Variants in RET observed in about 807,000 individuals in gnomAD.
RET encodes the protein proto-oncogene tyrosine-protein kinase receptor Ret.
RET carries 19 observed loss-of-function variants against 118.3 expected under a neutral mutation model. The ratio of observed to expected loss-of-function variants is 0.16; its 90% CI spans 0.11 to 0.24. RET has a LOEUF of 0.24. Ranked by LOEUF, RET falls within the 10% of genes least tolerant of loss-of-function variation. The pLI is 1.00. For synonymous variants in RET, 597 were observed against 644.1 expected, an observed-to-expected ratio of 0.93 and a Z score of 1.11; for missense variants, 1,219 against 1,502.1, an observed-to-expected ratio of 0.81 and a Z score of 3.12.
chr10:43,126,517 T>TG, intron 18 of RET, 58 bp from the exon 19 acceptor site: 1 of 1,459,126 alleles, frequency 6.9e-7, no homozygotes, highest in South Asian at 1.1e-5. Flanking sequence ...TGTTGTATAC[T>TG]GAGTTGTATC....
At chr10:43,117,842 G>A (rs758963757) in intron 12 of RET, among the ~76,000 whole-genome samples, 6 of 152,180 alleles carry the variant, frequency 3.9e-5, no homozygotes, top group Non-Finnish European at 5.9e-5. Context: ...GGTAACTAAC[G>A]GAGTGTGAGC....
chr10:43,083,316 C>A (rs1017149437), intron 1 of RET, among the ~76,000 whole-genome samples: 1 of 152,212 alleles, frequency 6.6e-6, no homozygotes, highest in Non-Finnish European at 1.5e-5. Flanking sequence ...CCCCTAGCCT[C>A]CCCACCACCT....
chr10:43,101,860 A>T (rs1837648347), intron 2 of RET, among the ~76,000 whole-genome samples: 3 of 152,240 alleles, frequency 2.0e-5, no homozygotes, highest in Admixed American at 2.0e-4. Context: ...GCAGCCGCCC[A>T]CCTAGGGCTG....
chr10:43,106,601 A>T lies in RET; in HGVS notation c.1063+30A>T. 6.2e-7 allele frequency: 1 copy of T among 1,606,742 alleles called. No individual in the cohort carries two copies. On this transcript the variant is annotated intron_variant, in intron 5 of 19. Transcript: ENST00000355710. This position sits in a 1 kb window ranked among gnomAD's most constrained non-coding sequence, Gnocchi z 5.1. Reference sequence around the variant, plus strand: ...GAGGGGCTGGTGGCACGGCCTGGCTAGGCCCCCAGGAAATGAGGTGCTCGC... The same window carrying T: ...GAGGGGCTGGTGGCACGGCCTGGCTTGGCCCCCAGGAAATGAGGTGCTCGC...
chr10:43,121,668 T>C (rs1838220564), intron 15 of RET, among the ~76,000 whole-genome samples: 1 of 152,204 alleles, frequency 6.6e-6, no homozygotes, highest in African/African-American at 2.4e-5. Context: ...AGGGAAGCAC[T>C]GCTCTGCACT....
rs3123652 is a variant in RET at position 43,109,762 on chromosome 10, T to C, written c.1263+532T>C. On this transcript the variant is annotated intron_variant, in intron 6 of 19. Transcript: ENST00000355710. ...TATATTTGTCTTTGGAAAATAATGA[T>C]TAGAAATAGAAGGCATAAAAGTAAT... Among the ~76,000 whole-genome samples, 596 of 151,904 alleles carry C rather than the reference T, an allele frequency of 3.9e-3. 4 individuals are homozygous for C. The highest frequency in any genetic ancestry group is 3.9e-3 in the Non-Finnish European group (262 of 67,938).
chr10:43,094,590 C>G (rs1268067414), intron 1 of RET, among the ~76,000 whole-genome samples: 1 of 152,140 alleles, frequency 6.6e-6, no homozygotes, highest in African/African-American at 2.4e-5. Flanking sequence ...TCACAGTGCC[C>G]CATCAGAGCT....
At chr10:43,127,359 G>A in intron 19 of RET, 3 of 1,065,380 alleles carry the variant, frequency 2.8e-6, no homozygotes, top group Non-Finnish European at 3.4e-6. Context: ...CCTTCAGGAC[G>A]GTTGTCACTT....
chr10:43,086,823 GA>G (rs1260061295), intron 1 of RET, among the ~76,000 whole-genome samples: 5 of 152,260 alleles, frequency 3.3e-5, no homozygotes. Context: ...TCTGGGTATG[GA>G]AGTGTGGGTG....
At chr10:43,126,294 G>A (rs1156735588) in intron 18 of RET, among the ~76,000 whole-genome samples, 1 of 152,190 alleles carries the variant, frequency 6.6e-6, no homozygotes, top group Non-Finnish European at 1.5e-5. Context: ...GAGATAAGAC[G>A]CTGAGGGAGC....
In RET at chr10:43,128,446, G is replaced by A. The variant is rs1838382196; in HGVS notation, c.*177G>A. Reference sequence around the variant, plus strand: ...CAAGGTGGTTTTACTTCTGATAGCCGGTGATTTTCCCTCCTAGCAGACATG... The same window carrying A: ...CAAGGTGGTTTTACTTCTGATAGCCAGTGATTTTCCCTCCTAGCAGACATG... On this transcript the variant is annotated 3_prime_UTR_variant, in exon 20 of 20. Coordinates refer to ENST00000355710, the MANE Select transcript of RET (RefSeq NM_020975.6). 8 of 711,358 alleles carry A rather than the reference G, an allele frequency of 1.1e-5. 1 individual carries two copies. The highest frequency in any genetic ancestry group is 2.1e-5 in the Admixed American group (1 of 47,682). 44.1% of individuals were successfully genotyped at this position (711,358 alleles called of 1,614,324 possible).
At position 43,114,658 on chromosome 10, in the gene RET, C is replaced by T. The variant is rs757141171; in HGVS notation, c.2058C>T (p.Ser686=). The change falls in exon 11 of 20, where the codon AGC becomes AGT. Residue 686 remains serine (S), a synonymous_variant. Coordinates refer to ENST00000355710, the MANE Select transcript of RET (RefSeq NM_020975.6). This position sits in a 1 kb window ranked among gnomAD's most constrained non-coding sequence, Gnocchi z 4.6. ...FRRPAQAFPV[S]YSSSGARRPS... ...GGCCCGCCCAGGCCTTCCCGGTCAG[C>T]TACTCCTCTTCCGGTGCCCGCCGGC... 1.2e-6 allele frequency: 2 copies of T among 1,613,052 alleles called. No individual in the cohort carries two copies. Among genetic ancestry groups the T allele is most frequent in the Non-Finnish European group, 1.7e-6 (2 of 1,179,998 alleles).
chr10:43,111,637 A>T (rs2132783100), intron 7 of RET, among the ~76,000 whole-genome samples, 172 bp downstream of exon 7: 1 of 152,244 alleles, frequency 6.6e-6, no homozygotes, highest in East Asian at 1.9e-4. Flanking sequence ...CCTTCCAGAT[A>T]ACATACAGGA....
chr10:43,091,339 G>A (rs548374210), intron 1 of RET, among the ~76,000 whole-genome samples: 1 of 152,240 alleles, frequency 6.6e-6, no homozygotes, highest in South Asian at 2.1e-4. Flanking sequence ...TCCAAAATGA[G>A]CACAGGGGGC....
Position 43,126,558 on chromosome 10 carries a change from C to T in RET, c.3040-17C>T, listed in dbSNP as rs1191850114. ...GTGGCACATGGCTTGGAGTGACCGG[C>T]CATCTCTGTCTTCCAGGACTACTTG... On this transcript the variant is annotated splice_polypyrimidine_tract_variant and intron_variant, in intron 18 of 19. Transcript: ENST00000355710. The T allele has an allele frequency of 8.1e-6, 13 of 1,609,934 alleles. No homozygotes were observed. Among genetic ancestry groups the T allele is most frequent in the Non-Finnish European group, 1.1e-5 (13 of 1,177,166 alleles).
At chr10:43,103,917 C>T (rs896027950) in intron 3 of RET, among the ~76,000 whole-genome samples, 15 of 152,194 alleles carry the variant, frequency 9.9e-5, no homozygotes, top group Admixed American at 9.2e-4. Context: ...GGGTCTTCAG[C>T]GGTGACCTTC....
intron 5 of RET, among the ~76,000 whole-genome samples, chr10:43,107,160 C>A (rs998764236): frequency 6.6e-6 from 1 of 152,220 alleles, no homozygotes; most frequent in Non-Finnish European, 1.5e-5. Context: ...AATAAACCAC[C>A]TGCATTTGGG....
At chr10:43,127,312 A>C (rs938256879) in intron 19 of RET, 4 of 1,069,878 alleles carry the variant, frequency 3.7e-6, no homozygotes, top group Admixed American at 1.0e-4. Flanking sequence ...GGGAGGACGC[A>C]CCCCCACTGC....
intron 1 of RET, 128 bp downstream of exon 1, chr10:43,077,459 C>T (rs1837072183): frequency 2.4e-6 from 3 of 1,229,944 alleles, no homozygotes; most frequent in East Asian, 3.4e-5. Flanking sequence ...GCCGGCCACC[C>T]GGCCTCGGCT....
Sources: allele counts gnomAD v4.1 joint callset (sites outside exome capture counted in the v4.1 genomes callset), GRCh38; gene constraint gnomAD v4.1.1; non-coding constraint Gnocchi (gnomAD v3.1); transcripts MANE v1.5; gene names NCBI Gene and HGNC (gene_info 2026-07-23, HGNC 2026-07-21).